Variants in RPS6KA2 observed in about 807,000 individuals in gnomAD.
RPS6KA2 encodes the protein ribosomal protein S6 kinase A2.
RPS6KA2 carries 42 observed loss-of-function variants against 91.8 expected under a neutral mutation model. The observed-to-expected ratio is 0.46, with a 90% CI of 0.36 to 0.59. RPS6KA2 has a LOEUF of 0.59. Ranked by LOEUF, RPS6KA2 falls within the 20% of genes least tolerant of loss-of-function variation. The pLI, the probability that RPS6KA2 is intolerant of heterozygous loss-of-function variation, is 0.00. For missense variants in RPS6KA2, 798 were observed against 978.5 expected (o/e 0.82, Z 2.46); for synonymous variants, 414 against 393.6 (o/e 1.05, Z -0.61).
intron 10 of RPS6KA2, among the ~76,000 whole-genome samples, chr6:166,480,109 T>C (rs563987121): frequency 1.3e-5 from 2 of 152,248 alleles, no homozygotes; most frequent in South Asian, 4.1e-4. Context: ...GAGGTGCATG[T>C]GCTTTACTTT....
rs7771696 is a variant in RPS6KA2, at chr6:166,694,292, G to C, written c.124-155508C>G. 2.2e-3 allele frequency among the ~76,000 whole-genome samples: 338 copies of C among 152,352 alleles called. 2 individuals are homozygous for C. The highest frequency in any genetic ancestry group is 7.6e-3 in the African/African-American group (316 of 41,578). ...TCACCTGGGCCACAGAGGAGCGGGA[G>C]TTGGACGGCCTGGCTGGCACTTCTC... On this transcript the variant is annotated intron_variant, in intron 2 of 21. Transcript: ENST00000503859.
intron 19 of RPS6KA2, among the ~76,000 whole-genome samples, chr6:166,415,860 TCCATCACCCCCACCATAATC>T: frequency 6.7e-6 from 1 of 148,568 alleles, no homozygotes; most frequent in African/African-American, 2.5e-5. Context: ...CCATCATTCC[TCCATCACCCCCACCATAATC>T]TTCACCATCA....
chr6:166,410,500 C>T lies in RPS6KA2; in HGVS notation c.*2262G>A, dbSNP rs1034429690. 6.6e-6 allele frequency: 1 copy of T among 152,494 alleles called. No individual in the cohort carries two copies. Among genetic ancestry groups the T allele is most frequent in the Non-Finnish European group, 1.5e-5 (1 of 68,024 alleles). 9.4% of individuals were successfully genotyped at this position (152,494 alleles called of 1,614,324 possible). A position where few individuals can be genotyped will look rare whatever the true frequency, so the allele number is the denominator to read the frequency against. On this transcript the variant is annotated 3_prime_UTR_variant, in exon 21 of 21. Coordinates refer to ENST00000265678, the MANE Select transcript of RPS6KA2 (RefSeq NM_021135.6). ...AAAGTAGAGGTATTTCACAGACACT[C>T]AGCGGAGCAGGGCCAAGCCAGTGTT...
chr6:166,631,790 A>T (rs1045180355), upstream of RPS6KA2, among the ~76,000 whole-genome samples: 7 of 152,216 alleles, frequency 4.6e-5, no homozygotes, highest in East Asian at 1.2e-3. Context: ...GATAGATGCG[A>T]ACACACAGAG....
chr6:166,845,454 T>A (rs904998723), intron 2 of RPS6KA2, among the ~76,000 whole-genome samples: 1 of 152,170 alleles, frequency 6.6e-6, no homozygotes, highest in Admixed American at 6.5e-5. Flanking sequence ...ATAGACCATA[T>A]GATAGGCCAC....
At chr6:166,604,130 T>C (rs1006436353) in intron 1 of RPS6KA2, among the ~76,000 whole-genome samples, 7 of 152,244 alleles carry the variant, frequency 4.6e-5, no homozygotes, top group African/African-American at 1.7e-4. Context: ...AGTTTTTCAC[T>C]GTGAGCAACT....
intron 3 of RPS6KA2, among the ~76,000 whole-genome samples, chr6:166,517,469 T>TG (rs1562550844): frequency 1.7e-5 from 1 of 59,240 alleles, no homozygotes; most frequent in African/African-American, 4.6e-5. Flanking sequence ...TTTTTTTTTT[T>TG]TTTTTTTTTT....
At chr6:166,438,981 G>A (rs1779431307) in intron 14 of RPS6KA2, among the ~76,000 whole-genome samples, 1 of 152,202 alleles carries the variant, frequency 6.6e-6, no homozygotes, top group Non-Finnish European at 1.5e-5. Flanking sequence ...GATTGCTGCA[G>A]AAAGAAATGG....
intron 1 of RPS6KA2, among the ~76,000 whole-genome samples, chr6:166,621,881 C>G (rs1786649800): frequency 6.6e-6 from 1 of 152,168 alleles, no homozygotes; most frequent in African/African-American, 2.4e-5. Flanking sequence ...TCCCCTTCCC[C>G]TTCACAGCCA....
At chr6:166,779,706 G>C (rs529777394) in intron 2 of RPS6KA2, among the ~76,000 whole-genome samples, 2 of 152,326 alleles carry the variant, frequency 1.3e-5, no homozygotes, top group Admixed American at 1.3e-4. Context: ...TCCATGAGCA[G>C]ATTCGGCTCA....
intron 2 of RPS6KA2, among the ~76,000 whole-genome samples, chr6:166,654,740 G>A (rs975955007): frequency 5.9e-5 from 9 of 152,182 alleles, no homozygotes; most frequent in African/African-American, 1.4e-4. Flanking sequence ...GACTGATTTC[G>A]TGGTTTCTTC....
intron 2 of RPS6KA2, among the ~76,000 whole-genome samples, chr6:166,756,106 C>T (rs1166580952): frequency 2.6e-5 from 4 of 150,954 alleles, no homozygotes; most frequent in African/African-American, 4.9e-5. Flanking sequence ...CTGGCTAACA[C>T]GGTGAAACCC....
chr6:166,588,552 G>A (rs1785258861), intron 1 of RPS6KA2, among the ~76,000 whole-genome samples: 1 of 152,130 alleles, frequency 6.6e-6, no homozygotes, highest in South Asian at 2.1e-4. Context: ...CAGAATCTGG[G>A]GAAATTCTGC....
At chr6:166,725,892 A>G (rs1355027265) in intron 2 of RPS6KA2, among the ~76,000 whole-genome samples, 1 of 152,262 alleles carries the variant, frequency 6.6e-6, no homozygotes, top group Non-Finnish European at 1.5e-5. Context: ...CAGAGGGCGC[A>G]TCACTTGTGA....
chr6:166,606,434 A>T (rs531481660), intron 1 of RPS6KA2, among the ~76,000 whole-genome samples: 15 of 152,266 alleles, frequency 9.9e-5, no homozygotes, highest in Non-Finnish European at 2.1e-4. Context: ...GGAAATGTGA[A>T]TATCTAAGCA....
intron 10 of RPS6KA2, among the ~76,000 whole-genome samples, chr6:166,472,305 C>T (rs1332845713): frequency 6.6e-6 from 1 of 152,168 alleles, no homozygotes; most frequent in Non-Finnish European, 1.5e-5. Context: ...TCATCATTTG[C>T]AAATATGGTC....
chr6:166,566,280 T>C (rs1476162443), intron 1 of RPS6KA2, among the ~76,000 whole-genome samples: 1 of 152,184 alleles, frequency 6.6e-6, no homozygotes, highest in East Asian at 1.9e-4. Context: ...TGCCAGAATA[T>C]GCCAGAACAT....
chr6:166,693,504 G>A (rs1789270529), intron 2 of RPS6KA2, among the ~76,000 whole-genome samples: 1 of 152,198 alleles, frequency 6.6e-6, no homozygotes, highest in African/African-American at 2.4e-5. Flanking sequence ...GCCCCAGGAG[G>A]ACTCCCTGTT....
chr6:166,775,543 T>C (rs1379281092), intron 2 of RPS6KA2, among the ~76,000 whole-genome samples: 3 of 152,228 alleles, frequency 2.0e-5, no homozygotes, highest in African/African-American at 7.2e-5. Context: ...GGGTCCACGT[T>C]GTAGGAAGGC....
Sources: gnomAD v4.1 joint callset for allele counts (sites outside exome capture counted in the v4.1 genomes callset) on GRCh38, gnomAD v4.1.1 for gene constraint, MANE v1.5 for transcripts, NCBI Gene and HGNC (gene_info 2026-07-23, HGNC 2026-07-21) for gene names.